NCOR1: variants seen among roughly 807,000 people sequenced by gnomAD.
The protein encoded by NCOR1 is protein phosphatase 1, regulatory subunit 109.
A neutral mutation model predicts 288.1 loss-of-function variants in NCOR1; 63 were observed. The observed-to-expected ratio is 0.22, with a 90% confidence interval of 0.18 to 0.27. NCOR1 has a LOEUF of 0.27. NCOR1 is among the 10% of genes least tolerant of loss of function. NCOR1 has a pLI of 1.00. For synonymous variants in NCOR1, 1,007 were observed against 1,065.9 expected (o/e 0.94, Z 1.08); for missense variants, 2,397 against 3,019.2 (o/e 0.79, Z 4.83).
Position 16,065,690 on chromosome 17 carries a change from C to T in NCOR1, c.4746G>A (p.Ala1582=), listed in dbSNP as rs780188590. 23 of 1,613,914 alleles carry T rather than the reference C, an allele frequency of 1.4e-5. No homozygotes were observed. In the African/African-American group the frequency reaches 1.7e-4, roughly 12 times the overall value. ...MPFHRALDPA[A]AAYLFQRQLS... is the part of the protein sequence containing the mutation. Reference sequence around the variant, plus strand: ...GCTGTCTCTGAAACAGGTAAGCAGCCGCTGCTGATTGAGAGAATGAAAGAA... The same window carrying T: ...GCTGTCTCTGAAACAGGTAAGCAGCTGCTGCTGATTGAGAGAATGAAAGAA... The change falls in exon 33 of 46, where the codon GCG becomes GCA. Residue 1582 remains alanine, a synonymous_variant. Coordinates refer to ENST00000268712, the MANE Select transcript of NCOR1 (RefSeq NM_006311.4).
Position 16,127,291 on chromosome 17 carries a change from ATG to A in NCOR1, c.1510-1087_1510-1086del, listed in dbSNP as rs1238129291. Among the ~76,000 whole-genome samples, 10 of 113,288 alleles carry A rather than the reference ATG, an allele frequency of 8.8e-5. 3 individuals carry two copies. Among genetic ancestry groups the A allele is most frequent in the South Asian group, 5.1e-4 (2 of 3,900 alleles). The allele number at this position is 113,288 out of a possible 152,430, so 74.3% of individuals were successfully genotyped here. On this transcript the variant is annotated intron_variant, in intron 14 of 45. Coordinates refer to ENST00000268712, the MANE Select transcript of NCOR1 (RefSeq NM_006311.4). Reference sequence around the variant, plus strand: ...TATGTATGTATATATACGTGTATATATGTATGTATGTATATATACATGTATGT... The same window carrying A: ...TATGTATGTATATATACGTGTATATATATGTATGTATATATACATGTATGT...
At chr17:16,099,715 C>A (rs1194158153) in intron 20 of NCOR1, among the ~76,000 whole-genome samples, 3 of 152,138 alleles carry the variant, frequency 2.0e-5, no homozygotes, top group South Asian at 2.1e-4. Context: ...CAGCTTGAAT[C>A]CATTTATGTT....
chr17:16,087,001 C>T (rs1224749450), intron 22 of NCOR1, among the ~76,000 whole-genome samples: 1 of 152,140 alleles, frequency 6.6e-6, no homozygotes, highest in African/African-American at 2.4e-5. Context: ...TTCCCAGTGG[C>T]CCAGTGAACT....
At chr17:16,176,192 C>A (rs995672180) in intron 3 of NCOR1, among the ~76,000 whole-genome samples, 12 of 151,994 alleles carry the variant, frequency 7.9e-5, no homozygotes, top group Non-Finnish European at 1.6e-4. Context: ...GCACTCCAGC[C>A]TGAACAACAA....
chr17:16,210,404 A>G (rs2092007056), intron 1 of NCOR1, among the ~76,000 whole-genome samples: 1 of 152,116 alleles, frequency 6.6e-6, no homozygotes, highest in Admixed American at 6.6e-5. Flanking sequence ...AGTAATAATA[A>G]TAATTTAAAC....
At chr17:16,104,369 A>G (rs1184737545) in intron 19 of NCOR1, among the ~76,000 whole-genome samples, 1 of 152,252 alleles carries the variant, frequency 6.6e-6, no homozygotes, top group Non-Finnish European at 1.5e-5. Context: ...AGTGTCAACT[A>G]TGTATGTGCA....
At chr17:16,037,171 C>T (rs977321664) in intron 44 of NCOR1, among the ~76,000 whole-genome samples, 1 of 152,088 alleles carries the variant, frequency 6.6e-6, no homozygotes, top group African/African-American at 2.4e-5. Flanking sequence ...GGAGTCAGGA[C>T]ACACACCACC....
At chr17:16,154,897 T>C (rs2079474818) in intron 6 of NCOR1, among the ~76,000 whole-genome samples, 2 of 152,178 alleles carry the variant, frequency 1.3e-5, no homozygotes, top group Non-Finnish European at 1.5e-5. Context: ...ACTAACGCTC[T>C]TCACTGATTA....
intron 40 of NCOR1, among the ~76,000 whole-genome samples, chr17:16,052,005 G>T (rs949356321): frequency 6.6e-6 from 1 of 152,066 alleles, no homozygotes; most frequent in South Asian, 2.1e-4. Flanking sequence ...ACAAATTCAG[G>T]ATCTGGTTTT....
At chr17:16,208,354 G>C (rs1385689053) in intron 1 of NCOR1, among the ~76,000 whole-genome samples, 1 of 150,940 alleles carries the variant, frequency 6.6e-6, no homozygotes, top group Non-Finnish European at 1.5e-5. Context: ...CACCATGCCT[G>C]GCCAACCGTT....
At chr17:16,039,704 G>T in intron 43 of NCOR1, 50 bp from the exon 44 acceptor site, 1 of 1,513,388 alleles carries the variant, frequency 6.6e-7, no homozygotes, top group South Asian at 1.2e-5. Context: ...GGCCAATCAG[G>T]AAACAAACAT....
chr17:16,160,721 G>A (rs1055838297), intron 5 of NCOR1, among the ~76,000 whole-genome samples: 6 of 152,156 alleles, frequency 3.9e-5, no homozygotes, highest in Non-Finnish European at 8.8e-5. Flanking sequence ...GAACCCAGGA[G>A]GTGGAGGTTG....
At position 16,127,543 on chromosome 17, in the gene NCOR1, A is replaced by ATATATACACATGTGTATATATGTATG. The variant is rs1469204037; in HGVS notation, c.1510-1363_1510-1338dup. The stretch of plus-strand genomic sequence containing the variant: ...TACACACGTGTATATATCTGCATGT[A>ATATATACACATGTGTATATATGTATG]TATATACACATGTGTATATATGTAT... On this transcript the variant is annotated intron_variant, in intron 14 of 45. Coordinates refer to ENST00000268712, the MANE Select transcript of NCOR1 (RefSeq NM_006311.4). 3.0e-3 allele frequency among the ~76,000 whole-genome samples: 422 copies of ATATATACACATGTGTATATATGTATG among 138,928 alleles called. 54 individuals carry two copies. The highest frequency in any genetic ancestry group is 0.012 in the African/African-American group (394 of 33,646). 91.1% of individuals were successfully genotyped at this position (138,928 alleles called of 152,430 possible).
intron 19 of NCOR1, among the ~76,000 whole-genome samples, chr17:16,103,094 A>C (rs2067932101): frequency 6.6e-6 from 1 of 152,202 alleles, no homozygotes; most frequent in Non-Finnish European, 1.5e-5. Context: ...GTGCTTTTTG[A>C]CATCTTTACC....
intron 15 of NCOR1, chr17:16,122,591 T>C (rs1276232203): frequency 6.6e-6 from 1 of 152,162 alleles, no homozygotes; most frequent in Non-Finnish European, 1.5e-5. Context: ...CTACTCTGGC[T>C]TTCCTTCAAG....
chr17:16,138,479 G>A (rs1182331672), intron 12 of NCOR1, among the ~76,000 whole-genome samples: 2 of 152,180 alleles, frequency 1.3e-5, no homozygotes, highest in African/African-American at 4.8e-5. Context: ...CACCTACTCA[G>A]GAAGCTGAGG....
chr17:16,107,307 C>T (rs979959467), intron 19 of NCOR1, among the ~76,000 whole-genome samples: 4 of 151,990 alleles, frequency 2.6e-5, no homozygotes, highest in South Asian at 2.1e-4. Context: ...TATTTGAAGA[C>T]GAGGCCTTTA....
intron 40 of NCOR1, among the ~76,000 whole-genome samples, chr17:16,056,030 G>C (rs2059874161): frequency 1.3e-5 from 2 of 151,940 alleles, no homozygotes. Context: ...TATTATACTT[G>C]TTCTCTCTAC....
rs371490978 is a variant in NCOR1 at position 16,074,316 on chromosome 17, G to A, written c.3671-747C>T. On this transcript the variant is annotated intron_variant, in intron 27 of 45. Coordinates refer to ENST00000268712, the MANE Select transcript of NCOR1 (RefSeq NM_006311.4). ...ACACACTTTGAATATGGGTGAGACT[G>A]AAGGTAGGGAGATGAGTTAGGTGGC... Among the ~76,000 whole-genome samples the A allele has an allele frequency of 3.3e-5, 5 of 151,332 alleles. No individual in the cohort carries two copies. In the East Asian group the frequency reaches 7.7e-4, roughly 23 times the overall value.
Sources: gnomAD v4.1 joint callset for allele counts (sites outside exome capture counted in the v4.1 genomes callset) on GRCh38, gnomAD v4.1.1 for gene constraint, MANE v1.5 for transcripts, NCBI Gene and HGNC (gene_info 2026-07-23, HGNC 2026-07-21) for gene names.